DMD: variants seen among roughly 807,000 people sequenced by gnomAD.
DMD encodes the protein dystrophin.
DMD carries 63 observed loss-of-function variants against 330.1 expected under a neutral mutation model. That is an observed-to-expected ratio of 0.19 (90% confidence interval 0.16 to 0.24). DMD has a LOEUF of 0.24. Among genes scored for constraint, DMD ranks in the 10% least tolerant of loss-of-function variants. The pLI is 1.00. For missense variants in DMD, 3,344 were observed against 2,684.1 expected, an observed-to-expected ratio of 1.25 and a Z score of -5.43; for synonymous variants, 1,223 against 959.8, an observed-to-expected ratio of 1.27 and a Z score of -5.07.
At chrX:32,072,027 T>C (rs1223540377) in intron 44 of DMD, among the ~76,000 whole-genome samples, 2 of 112,169 alleles carry the variant, frequency 1.8e-5, no homozygotes, top group African/African-American at 6.5e-5. Context: ...TTCCATGAGA[T>C]AAATCTTATT....
intron 2 of DMD, among the ~76,000 whole-genome samples, chrX:32,942,762 C>T (rs571302854): frequency 3.0e-4 from 33 of 111,032 alleles, no homozygotes; most frequent in South Asian, 1.5e-3. Context: ...TGACAAAACA[C>T]GAGACCTAAT....
chrX:31,944,170 G>A (rs2150061591), intron 45 of DMD, among the ~76,000 whole-genome samples: 1 of 111,249 alleles, frequency 9.0e-6, no homozygotes, highest in South Asian at 3.8e-4. Context: ...GGTTCTGTGA[G>A]GTCCAAATTA....
At chrX:31,721,694 C>A (rs866558235) in intron 52 of DMD, among the ~76,000 whole-genome samples, 11,673 of 64,933 alleles carry the variant, frequency 0.18, 849 homozygotes, top group Admixed American at 0.38. Flanking sequence ...CACTCTCTCT[C>A]TCTCTCTCTC....
intron 29 of DMD, among the ~76,000 whole-genome samples, chrX:32,426,969 G>GGATCA (rs1159413777): frequency 9.0e-6 from 1 of 111,400 alleles, no homozygotes; most frequent in African/African-American, 3.3e-5. Context: ...GAGAATGGGA[G>GGATCA]GAAGGGGAGG....
At chrX:32,438,109 TG>T in intron 29 of DMD, 131 bp downstream of exon 29, 1 of 651,646 alleles carries the variant, frequency 1.5e-6, no homozygotes, top group Non-Finnish European at 2.4e-6. Context: ...ACCCAGTGTC[TG>T]GCATTGGATT....
intron 30 of DMD, among the ~76,000 whole-genome samples, chrX:32,394,921 A>AACAAAAAAC (rs1557326843): frequency 1.6e-5 from 1 of 63,725 alleles, no homozygotes; most frequent in Admixed American, 2.1e-4. Flanking sequence ...AAAAACAAAA[A>AACAAAAAAC]AAAAAAAAAA....
At chrX:32,000,631 C>T (rs2095619647) in intron 44 of DMD, among the ~76,000 whole-genome samples, 1 of 111,415 alleles carries the variant, frequency 9.0e-6, no homozygotes, top group African/African-American at 3.3e-5. Context: ...ACACCAGTGA[C>T]CCTGGTGATA....
intron 2 of DMD, among the ~76,000 whole-genome samples, chrX:32,987,756 C>A (rs1389762520): frequency 9.1e-6 from 1 of 110,466 alleles, no homozygotes; most frequent in East Asian, 2.8e-4. Context: ...TTTGCTGCTT[C>A]TCTAGGATAA....
At chrX:32,013,262 T>C (rs1163891650) in intron 44 of DMD, among the ~76,000 whole-genome samples, 1 of 108,837 alleles carries the variant, frequency 9.2e-6, no homozygotes, top group East Asian at 2.9e-4. Flanking sequence ...AATTTTTGTA[T>C]ATTTAGTAGA....
At chrX:31,302,169 T>C (rs1270194773) in intron 62 of DMD, among the ~76,000 whole-genome samples, 1 of 111,657 alleles carries the variant, frequency 9.0e-6, no homozygotes, top group East Asian at 2.8e-4. Context: ...AAGGTTTATT[T>C]ACCTCAGTAT....
At chrX:32,900,762 G>T (rs745581414) in intron 2 of DMD, among the ~76,000 whole-genome samples, 1 of 111,531 alleles carries the variant, frequency 9.0e-6, no homozygotes, top group East Asian at 2.8e-4. Context: ...AGGAATTTTC[G>T]TTGATATTTC....
chrX:33,168,286 T>G (rs2049159808), intron 1 of DMD, among the ~76,000 whole-genome samples: 1 of 111,012 alleles, frequency 9.0e-6, no homozygotes, highest in Admixed American at 9.7e-5. Flanking sequence ...AAAAAATAAC[T>G]TTATTTACTA....
intron 23 of DMD, 93 bp downstream of exon 23, chrX:32,468,405 T>C: frequency 1.2e-6 from 1 of 805,911 alleles, no homozygotes; most frequent in Non-Finnish European, 1.8e-6. Context: ...ATGCTGAAGG[T>C]CAAATGCTTA....
intron 60 of DMD, among the ~76,000 whole-genome samples, chrX:31,349,414 C>T (rs1202514904): frequency 8.9e-6 from 1 of 112,387 alleles, no homozygotes; most frequent in Non-Finnish European, 1.9e-5. Flanking sequence ...GAGTGAAACT[C>T]CACCTCAAAG....
In DMD at chrX:31,726,953, A is replaced by T. The variant is rs143088758; in HGVS notation, c.7660+2678T>A. On this transcript the variant is annotated intron_variant, in intron 52 of 78. Transcript: ENST00000357033. ...ACTATTCAAATCACTGAATATTGGC[A>T]GAGAGATACAAACTTGCCCTCCGGT... Among the ~76,000 whole-genome samples, 22 of 111,926 alleles carry T rather than the reference A, an allele frequency of 2.0e-4. 1 individual carries two copies. The East Asian group carries it at 3.9e-3, about 20-fold the overall frequency.
At chrX:31,963,455 C>A (rs771607745) in intron 45 of DMD, among the ~76,000 whole-genome samples, 14 of 111,606 alleles carry the variant, frequency 1.3e-4, no homozygotes, top group Admixed American at 6.7e-4. Context: ...TTTTAACTTC[C>A]ATGTATTCTG....
chrX:31,353,401 G>A (rs1348885889), intron 60 of DMD, among the ~76,000 whole-genome samples: 1 of 111,687 alleles, frequency 9.0e-6, no homozygotes, highest in Non-Finnish European at 1.9e-5. Flanking sequence ...GGGCACCTGA[G>A]ACTGAGATCA....
chrX:31,691,666 C>T (rs1255955290), intron 52 of DMD, among the ~76,000 whole-genome samples: 2 of 111,780 alleles, frequency 1.8e-5, no homozygotes. Context: ...ACAAAATAAT[C>T]TTTAGGTCAA....
intron 17 of DMD, among the ~76,000 whole-genome samples, chrX:32,544,272 C>T (rs919907293): frequency 3.6e-5 from 4 of 111,414 alleles, no homozygotes; most frequent in African/African-American, 1.3e-4. Context: ...AATAACTTCT[C>T]TAGATTTATT....
Sources: gnomAD v4.1 joint callset for allele counts (sites outside exome capture counted in the v4.1 genomes callset) on GRCh38, gnomAD v4.1.1 for gene constraint, MANE v1.5 for transcripts, NCBI Gene and HGNC (gene_info 2026-07-23, HGNC 2026-07-21) for gene names.